The following TNRC6A variants were observed in gnomAD, a reference collection of about 807,000 sequenced individuals.
TNRC6A encodes the protein trinucleotide repeat-containing gene 6A protein.
In TNRC6A, 44 loss-of-function variants were observed where a neutral mutation model predicts 221.2. The ratio of observed to expected loss-of-function variants is 0.20; its 90% CI spans 0.16 to 0.26. The LOEUF (loss-of-function observed/expected upper bound fraction) is 0.26, where lower values mean the gene tolerates loss of function less well. Ranked by LOEUF, TNRC6A falls within the 10% of genes least tolerant of loss-of-function variation. The probability of loss-of-function intolerance (pLI) is 1.00; values close to 1 mark genes in which losing one functional copy is unlikely to be tolerated. For missense variants in TNRC6A, 2,199 were observed against 2,404.4 expected (o/e 0.91, Z 1.79); for synonymous variants, 847 against 838.5 (o/e 1.01, Z -0.18).
Position 24,809,511 on chromosome 16 carries a change from A to G in TNRC6A, c.4672+30A>G, listed in dbSNP as rs764877782. On this transcript the variant is annotated intron_variant, in intron 18 of 24. Transcript: ENST00000395799. ...AAAAGATACATCTTACCAAAAAAAA[A>G]AAAAAAACACACACACCTGCAGAAT... The G allele has an allele frequency of 1.3e-5, 19 of 1,518,042 alleles. No homozygotes were observed. The East Asian group carries it at 2.1e-4, about 16-fold the overall frequency. 94.0% of individuals were successfully genotyped at this position (1,518,042 alleles called of 1,614,324 possible). A position where few individuals can be genotyped will look rare whatever the true frequency, so the allele number is the denominator to read the frequency against.
chr16:24,760,517 A>G (rs1483342986), intron 4 of TNRC6A, among the ~76,000 whole-genome samples: 1 of 152,190 alleles, frequency 6.6e-6, no homozygotes, highest in Admixed American at 6.5e-5. Flanking sequence ...TTGTTTTGCC[A>G]GTGATTTCAC....
intron 5 of TNRC6A, among the ~76,000 whole-genome samples, chr16:24,783,998 T>C (rs760581724): frequency 6.6e-6 from 1 of 152,162 alleles, no homozygotes; most frequent in Non-Finnish European, 1.5e-5. Context: ...ACATTTTGTT[T>C]TTGTTGTTGT....
intron 2 of TNRC6A, among the ~76,000 whole-genome samples, chr16:24,700,582 T>C (rs2055952745): frequency 6.6e-6 from 1 of 151,988 alleles, no homozygotes; most frequent in Non-Finnish European, 1.5e-5. Flanking sequence ...TCCAGGGGGT[T>C]CCCTCACACT....
Position 24,790,841 on chromosome 16 carries a change from C to T in TNRC6A, c.2199C>T (p.Ala733=), listed in dbSNP as rs759681758. ...WGQTPIKQNT[A]WDTETSPRGE... Reference sequence around the variant, plus strand: ...AGACTCCTATTAAGCAGAATACTGCCTGGGATACAGAAACATCACCTAGAG... The same window carrying T: ...AGACTCCTATTAAGCAGAATACTGCTTGGGATACAGAAACATCACCTAGAG... The change falls in exon 6 of 25, where the codon GCC becomes GCT. Residue 733 remains alanine (A), a synonymous_variant. Coordinates refer to ENST00000395799, the MANE Select transcript of TNRC6A (RefSeq NM_014494.4). The T allele has an allele frequency of 5.6e-6, 9 of 1,614,086 alleles. No homozygotes were observed. Among genetic ancestry groups the T allele is most frequent in the Admixed American group, 3.3e-5 (2 of 60,014 alleles).
chr16:24,692,554 C>T (rs953536703), intron 2 of TNRC6A, among the ~76,000 whole-genome samples: 2 of 151,422 alleles, frequency 1.3e-5, no homozygotes, highest in African/African-American at 4.9e-5. Context: ...TGGGCGACAG[C>T]GTGAACCTCC....
chr16:24,752,541 T>G (rs145936312), intron 3 of TNRC6A, among the ~76,000 whole-genome samples: 1 of 152,128 alleles, frequency 6.6e-6, no homozygotes, highest in Admixed American at 6.5e-5. Context: ...TATTGATGGA[T>G]GTCTTGGGCC....
At chr16:24,809,280 A>G (rs2058495908) in intron 17 of TNRC6A, 70 bp from the exon 18 acceptor site, 3 of 1,337,534 alleles carry the variant, frequency 2.2e-6, no homozygotes. Flanking sequence ...TCTAGGAAAT[A>G]GAAGTTGTGC....
chr16:24,668,787 CT>C (rs201807628), intron 2 of TNRC6A, among the ~76,000 whole-genome samples: 3,054 of 152,312 alleles, frequency 0.02, 42 homozygotes, highest in South Asian at 0.038. Flanking sequence ...GAAAGTCATT[CT>C]TCCTTTGGTT....
intron 18 of TNRC6A, 28 bp from the exon 19 acceptor site, chr16:24,815,119 C>T (rs757299758): frequency 6.2e-7 from 1 of 1,600,068 alleles, no homozygotes; most frequent in Non-Finnish European, 8.5e-7. Flanking sequence ...ATTTTGCTCA[C>T]ATTTCTCTAT....
At chr16:24,796,260 AT>A (rs2058217370) in intron 9 of TNRC6A, 1 of 297,620 alleles carries the variant, frequency 3.4e-6, no homozygotes, top group Admixed American at 5.0e-5. Context: ...GTTGAGGCAG[AT>A]TGTAGTGTCT....
intron 2 of TNRC6A, among the ~76,000 whole-genome samples, chr16:24,673,267 G>T (rs1311375095): frequency 2.0e-5 from 3 of 152,158 alleles, no homozygotes; most frequent in African/African-American, 7.2e-5. Context: ...GATAATGAGA[G>T]TCCTGAGGGT....
At chr16:24,710,244 G>T (rs985099252) in intron 2 of TNRC6A, among the ~76,000 whole-genome samples, 11 of 150,392 alleles carry the variant, frequency 7.3e-5, no homozygotes, top group African/African-American at 2.5e-4. Context: ...AAAAAAAATT[G>T]TAAACACAAA....
intron 5 of TNRC6A, among the ~76,000 whole-genome samples, chr16:24,786,941 A>G (rs766607732): frequency 3.9e-5 from 6 of 152,184 alleles, no homozygotes; most frequent in Non-Finnish European, 7.4e-5. Flanking sequence ...TTGGCCTCCC[A>G]AAGTGTTGAG....
chr16:24,787,927 A>C (rs1179955798), intron 5 of TNRC6A, among the ~76,000 whole-genome samples: 1 of 152,212 alleles, frequency 6.6e-6, no homozygotes, highest in Non-Finnish European at 1.5e-5. Context: ...TTGAAGATAT[A>C]TACTTAAAAG....
At chr16:24,664,988 A>G in intron 2 of TNRC6A, 2 of 456,462 alleles carry the variant, frequency 4.4e-6, no homozygotes, top group South Asian at 3.1e-5. Flanking sequence ...GCCAGATTCT[A>G]ACATCAGAGG....
chr16:24,630,894 T>G (rs1901297282), intron 1 of TNRC6A, among the ~76,000 whole-genome samples: 1 of 152,080 alleles, frequency 6.6e-6, no homozygotes, highest in Non-Finnish European at 1.5e-5. Flanking sequence ...CCAAGGGATG[T>G]GGTATGTGCC....
At chr16:24,730,373 G>T in intron 2 of TNRC6A, 73 bp downstream of exon 2, 1 of 1,531,980 alleles carries the variant, frequency 6.5e-7, no homozygotes, top group Non-Finnish European at 8.8e-7. Context: ...CCTTTTCTGG[G>T]TTGAGAAGTT....
chr16:24,717,154 G>A lies in TNRC6A; in HGVS notation n.403-33572G>A, dbSNP rs1403715485. ...AGCTGGAGTGCAGTGGTGCAATCAC[G>A]GCTCCTTGCAGCCTTGATCTCCTGG... On this transcript the variant is annotated intron_variant and non_coding_transcript_variant, in intron 2 of 2. Coordinates refer to the TNRC6A transcript ENST00000566108. 5.9e-5 allele frequency among the ~76,000 whole-genome samples: 9 copies of A among 152,070 alleles called. No homozygotes were observed. In the South Asian group the frequency reaches 6.2e-4, roughly 11 times the overall value.
intron 2 of TNRC6A, among the ~76,000 whole-genome samples, chr16:24,710,055 GTC>G (rs939576227): frequency 1.1e-4 from 17 of 151,244 alleles, no homozygotes; most frequent in Admixed American, 1.1e-3. Flanking sequence ...TGGAAAAACC[GTC>G]TCTACTCAAA....
Sources: allele counts gnomAD v4.1 joint callset (sites outside exome capture counted in the v4.1 genomes callset), GRCh38; gene constraint gnomAD v4.1.1; transcripts MANE v1.5; gene names NCBI Gene and HGNC (gene_info 2026-07-23, HGNC 2026-07-21).